KANK1: variants seen among roughly 807,000 people sequenced by gnomAD.
KANK1 encodes the protein KN motif and ankyrin repeat domain-containing protein 1.
Under a neutral mutation model 106.2 loss-of-function variants are expected in KANK1, and 109 were observed. The ratio of observed to expected loss-of-function variants is 1.03; its 90% CI spans 0.88 to 1.20. KANK1 has a LOEUF of 1.20. Ranked by LOEUF, KANK1 falls within the 50% of genes most tolerant of loss-of-function variation. The pLI, the probability that KANK1 is intolerant of heterozygous loss-of-function variation, is 0.00. For synonymous variants in KANK1, 873 were observed against 652.2 expected (o/e 1.34, Z -5.16); for missense variants, 2,399 against 1,710.7 (o/e 1.40, Z -7.10).
rs1368905215 is a variant in KANK1 at position 570,844 on chromosome 9, C to CTCTGCATACTATTTTAA, written c.-84+66092_-84+66108dup. ...ATGAGACTTTCTAAACATGCTTAAT[C>CTCTGCATACTATTTTAA]TCTGCATACTATTTTAATAATAATG... On this transcript the variant is annotated intron_variant, in intron 1 of 11. Transcript: ENST00000382297. Among the ~76,000 whole-genome samples, 19 of 152,272 alleles carry CTCTGCATACTATTTTAA rather than the reference C, an allele frequency of 1.2e-4. No individual in the cohort carries two copies. In the Middle Eastern group the frequency reaches 0.02, roughly 164 times the overall value.
At chr9:500,598 C>T (rs2058533145), upstream of KANK1, among the ~76,000 whole-genome samples, 1 of 152,136 alleles carries the variant, frequency 6.6e-6, no homozygotes, top group South Asian at 2.1e-4. Flanking sequence ...AAATTGGAAA[C>T]TGAAATATGG....
intron 2 of KANK1, among the ~76,000 whole-genome samples, chr9:705,220 T>C (rs991363370): frequency 1.3e-5 from 2 of 152,166 alleles, no homozygotes; most frequent in Admixed American, 1.3e-4. Flanking sequence ...GCACAGTGGC[T>C]CACAGCTGTA....
intron 3 of KANK1, among the ~76,000 whole-genome samples, chr9:727,680 ATG>A (rs55997819): frequency 0.14 from 19,603 of 139,236 alleles, 1,276 homozygotes; most frequent in Non-Finnish European, 0.16. Context: ...ATAACTTTTC[ATG>A]TGTGTGTGTG....
intron 1 of KANK1, among the ~76,000 whole-genome samples, chr9:514,767 C>T (rs185241111): frequency 6.6e-5 from 10 of 151,638 alleles, no homozygotes; most frequent in Admixed American, 4.6e-4. Flanking sequence ...TATGTATTTT[C>T]TGGTGAATAT....
chr9:635,823 C>G (rs550682505), intron 1 of KANK1, among the ~76,000 whole-genome samples: 1 of 150,678 alleles, frequency 6.6e-6, no homozygotes, highest in Non-Finnish European at 1.5e-5. Context: ...CTCAGCCTCC[C>G]GAGTAGCTGG....
chr9:654,812 TGTGAGAGAGAGAGAGA>T (rs150685557), intron 1 of KANK1, among the ~76,000 whole-genome samples: 26,322 of 134,644 alleles, frequency 0.2, 2,604 homozygotes, highest in East Asian at 0.38. Context: ...TGTGTGTGTG[TGTGAGAGAGAGAGAGA>T]GAGAGAGAGA....
At position 730,054 on chromosome 9, in the gene KANK1, A is replaced by T. The variant is rs12352313; in HGVS notation, c.2702A>T (p.Asn901Ile). ...QKTSLGKITG[N>I]YLGYTCKCGG... Reference sequence around the variant, plus strand: ...GTACCTTTCTTTTTCCTGATAGGCAATTATTTGGGATATACCTGTAAGTGT... The same window carrying T: ...GTACCTTTCTTTTTCCTGATAGGCATTTATTTGGGATATACCTGTAAGTGT... Residue 901 changes from asparagine to isoleucine, a missense_variant, in exon 4 of 12, where the codon AAT becomes ATT. Transcript: ENST00000382297. 70 of 1,613,572 alleles carry T rather than the reference A, an allele frequency of 4.3e-5. No individual in the cohort carries two copies. Among genetic ancestry groups the T allele is most frequent in the Non-Finnish European group, 5.7e-5 (67 of 1,179,846 alleles).
intron 1 of KANK1, among the ~76,000 whole-genome samples, chr9:542,426 T>G (rs961490163): frequency 2.6e-5 from 4 of 152,164 alleles, no homozygotes; most frequent in Non-Finnish European, 5.9e-5. Flanking sequence ...GTTGGGAAAA[T>G]GTGAGATAAA....
intron 1 of KANK1, among the ~76,000 whole-genome samples, chr9:587,051 G>C (rs2135449343): frequency 6.6e-6 from 1 of 152,260 alleles, no homozygotes; most frequent in South Asian, 2.1e-4. Flanking sequence ...TTCTGAACTA[G>C]TGAATTACTT....
chr9:558,265 G>A (rs1002442662), intron 1 of KANK1, among the ~76,000 whole-genome samples: 3 of 152,106 alleles, frequency 2.0e-5, no homozygotes, highest in Non-Finnish European at 4.4e-5. Context: ...CAGGAAATAG[G>A]GGAAATAGAG....
intron 1 of KANK1, among the ~76,000 whole-genome samples, chr9:572,999 C>A (rs961677812): frequency 6.6e-6 from 1 of 152,114 alleles, no homozygotes; most frequent in Non-Finnish European, 1.5e-5. Context: ...CAAAAGTTCT[C>A]TTTTCTTCTG....
intron 2 of KANK1, among the ~76,000 whole-genome samples, chr9:683,121 G>T (rs150257422): frequency 6.6e-6 from 1 of 152,152 alleles, no homozygotes; most frequent in Non-Finnish European, 1.5e-5. Context: ...CGCCCGTGGT[G>T]GTGAGTCTTA....
At chr9:670,083 A>G (rs1292113111) in intron 1 of KANK1, among the ~76,000 whole-genome samples, 1 of 152,110 alleles carries the variant, frequency 6.6e-6, no homozygotes, top group African/African-American at 2.4e-5. Flanking sequence ...ATTTTTTATC[A>G]CTTCAATCTC....
intron 1 of KANK1, among the ~76,000 whole-genome samples, chr9:608,670 C>T (rs917441818): frequency 2.0e-5 from 3 of 152,126 alleles, no homozygotes; most frequent in Non-Finnish European, 4.4e-5. Context: ...TTCATCAAGT[C>T]AGGGAGATAA....
chr9:572,467 G>A (rs1819456475), intron 1 of KANK1, among the ~76,000 whole-genome samples: 1 of 152,092 alleles, frequency 6.6e-6, no homozygotes, highest in African/African-American at 2.4e-5. Context: ...CAGGAGACTG[G>A]CGTGAACCTG....
chr9:574,383 C>G (rs1450217351), intron 1 of KANK1, among the ~76,000 whole-genome samples: 2 of 144,406 alleles, frequency 1.4e-5, no homozygotes, highest in Non-Finnish European at 2.9e-5. Flanking sequence ...AAATGAGCCT[C>G]ACTTCCTGCT....
rs1836663820 is a variant in KANK1, at chr9:744,486, T to C, written c.3898-5T>C. ...CATGGCTTGTTCTTTCCATCTTATC[T>C]TAAGGATGGCAGCACTGCGCTCTCA... On this transcript the variant is annotated splice_region_variant and splice_polypyrimidine_tract_variant and intron_variant, in intron 10 of 11. Transcript: ENST00000382297. 6.2e-7 allele frequency: 1 copy of C among 1,611,208 alleles called. No individual in the cohort carries two copies. The highest frequency in any genetic ancestry group is 8.5e-7 in the Non-Finnish European group (1 of 1,177,860).
At chr9:539,838 A>G (rs2060495207) in intron 1 of KANK1, among the ~76,000 whole-genome samples, 1 of 152,024 alleles carries the variant, frequency 6.6e-6, no homozygotes, top group Non-Finnish European at 1.5e-5. Flanking sequence ...TATTTTTTAG[A>G]TAGTTCATTA....
intron 2 of KANK1, among the ~76,000 whole-genome samples, chr9:471,844 A>G (rs2058027355): frequency 1.3e-5 from 2 of 152,176 alleles, no homozygotes; most frequent in South Asian, 4.1e-4. Flanking sequence ...CAGTGAGTTA[A>G]GCGTTCTCCT....
Sources: allele counts gnomAD v4.1 joint callset (sites outside exome capture counted in the v4.1 genomes callset), GRCh38; gene constraint gnomAD v4.1.1; transcripts MANE v1.5; gene names NCBI Gene and HGNC (gene_info 2026-07-23, HGNC 2026-07-21).